UMAD1: variants seen among roughly 807,000 people sequenced by gnomAD.
UMAD1 encodes UBAP1-MVB12-associated (UMA) domain containing 1.
Under a neutral mutation model 6.1 loss-of-function variants are expected in UMAD1, and 8 were observed. The observed-to-expected ratio is 1.30, with a 90% CI of 0.76 to 2.35. UMAD1 has a LOEUF of 2.35. UMAD1 is among the 30% of genes most tolerant of loss of function. UMAD1 has a pLI of 0.00. For missense variants in UMAD1, 130 were observed against 78.4 expected, an observed-to-expected ratio of 1.66 and a Z score of -2.49; for synonymous variants, 56 against 31.4, an observed-to-expected ratio of 1.78 and a Z score of -2.61.
chr7:7,684,165 A>G (rs1160622303), intron 2 of UMAD1, among the ~76,000 whole-genome samples: 2 of 152,188 alleles, frequency 1.3e-5, no homozygotes, highest in East Asian at 3.8e-4. Context: ...TTGAGGAATA[A>G]TGACAAGAAA....
intron 3 of UMAD1, among the ~76,000 whole-genome samples, chr7:7,836,953 A>G (rs1190406759): frequency 1.5e-5 from 2 of 133,612 alleles, no homozygotes; most frequent in East Asian, 2.2e-4. Context: ...TTCCAAAACT[A>G]TTAAAAAAAA....
rs184096890 is a variant in UMAD1, at chr7:7,666,695, T to C, written c.-63-6614T>C. On this transcript the variant is annotated intron_variant, in intron 1 of 3. Coordinates refer to ENST00000682710, the MANE Select transcript of UMAD1 (RefSeq NM_001302348.2). ...GCCCGGTTTTTATTGAGCTGTTTTT[T>C]CATTATTGAGTTTTAAGAGTTCTTT... is the stretch of plus-strand genomic sequence containing the variant. 3.7e-3 allele frequency among the ~76,000 whole-genome samples: 561 copies of C among 152,318 alleles called. 2 individuals are homozygous for C. Among genetic ancestry groups the C allele is most frequent in the South Asian group, 7.0e-3 (34 of 4,828 alleles).
intron 2 of UMAD1, among the ~76,000 whole-genome samples, chr7:7,710,235 T>C (rs1045580): frequency 0.25 from 38,291 of 152,120 alleles, 5,520 homozygotes; most frequent in Middle Eastern, 0.38. Context: ...AACAGTGCTG[T>C]TACTGAACAT....
chr7:7,709,236 G>A (rs556255682), intron 2 of UMAD1, among the ~76,000 whole-genome samples: 15 of 152,240 alleles, frequency 9.9e-5, no homozygotes, highest in African/African-American at 3.4e-4. Context: ...TGTGAATAAT[G>A]TTATGCATGG....
At chr7:7,833,588 A>T (rs542382562) in intron 3 of UMAD1, among the ~76,000 whole-genome samples, 34 of 152,306 alleles carry the variant, frequency 2.2e-4, no homozygotes, top group South Asian at 4.1e-4. Flanking sequence ...GTTGTCAGGA[A>T]GCGGGCAGAT....
intron 2 of UMAD1, among the ~76,000 whole-genome samples, chr7:7,690,438 T>G (rs1780146842): frequency 6.6e-6 from 1 of 152,190 alleles, no homozygotes; most frequent in African/African-American, 2.4e-5. Flanking sequence ...GCCCAGTATG[T>G]CAGATGTGAA....
intron 2 of UMAD1, chr7:7,742,014 A>G (rs1781478991): frequency 9.2e-6 from 3 of 327,124 alleles, no homozygotes; most frequent in South Asian, 3.4e-5. Flanking sequence ...CTATTTTTAA[A>G]TGAATACTGA....
At chr7:7,876,531 C>T (rs940308151) in intron 3 of UMAD1, among the ~76,000 whole-genome samples, 2 of 152,124 alleles carry the variant, frequency 1.3e-5, no homozygotes, top group South Asian at 4.1e-4. Context: ...ATCCATTCTT[C>T]TATTGATTGA....
intron 2 of UMAD1, among the ~76,000 whole-genome samples, chr7:7,792,340 C>T (rs985718644): frequency 6.6e-6 from 1 of 152,204 alleles, no homozygotes; most frequent in Non-Finnish European, 1.5e-5. Flanking sequence ...CCTGGGCAAG[C>T]CATGTCTTAA....
At chr7:7,828,789 C>T (rs756799745) in intron 3 of UMAD1, among the ~76,000 whole-genome samples, 1 of 152,132 alleles carries the variant, frequency 6.6e-6, no homozygotes, top group Non-Finnish European at 1.5e-5. Context: ...GTGGTACTCT[C>T]CCCACTACTT....
At chr7:7,805,714 T>C (rs1458432657) in intron 3 of UMAD1, among the ~76,000 whole-genome samples, 4 of 152,192 alleles carry the variant, frequency 2.6e-5, no homozygotes, top group Non-Finnish European at 5.9e-5. Context: ...CTCTTGATGA[T>C]GTTAAGCCCT....
chr7:7,665,543 C>T (rs1275697191), intron 1 of UMAD1, among the ~76,000 whole-genome samples: 3 of 152,158 alleles, frequency 2.0e-5, no homozygotes, highest in Non-Finnish European at 2.9e-5. Flanking sequence ...GAGATTGGAT[C>T]AGTAACACAT....
At chr7:7,735,884 A>G (rs17136953) in intron 2 of UMAD1, 45,228 of 152,210 alleles carry the variant, frequency 0.3, 7,761 homozygotes, top group African/African-American at 0.48. Flanking sequence ...TTGTGTTTCT[A>G]AAAGTTTGTG....
intron 1 of UMAD1, among the ~76,000 whole-genome samples, chr7:7,663,926 G>C (rs893108377): frequency 6.6e-6 from 1 of 152,100 alleles, no homozygotes; most frequent in South Asian, 2.1e-4. Context: ...AGCTAGCCAG[G>C]AAATCTACTG....
In UMAD1 at chr7:7,720,901, ATC is replaced by A. The variant is rs575908130; in HGVS notation, c.82+47450_82+47451del. Among the ~76,000 whole-genome samples the A allele has an allele frequency of 3.2e-3, 492 of 152,318 alleles. 1 individual carries two copies. Among genetic ancestry groups the A allele is most frequent in the African/African-American group, 0.011 (474 of 41,564 alleles). ...GAATGTGACCTTATTTTGAAATATA[ATC>A]TGTTTGCAGATGGAATCAAGTTAAG... is the stretch of plus-strand genomic sequence containing the variant. On this transcript the variant is annotated intron_variant, in intron 2 of 3. Coordinates refer to ENST00000682710, the MANE Select transcript of UMAD1 (RefSeq NM_001302348.2).
chr7:7,765,765 A>T (rs764384345), intron 2 of UMAD1, among the ~76,000 whole-genome samples: 2 of 152,154 alleles, frequency 1.3e-5, no homozygotes, highest in Non-Finnish European at 2.9e-5. Context: ...GGCACTGGGG[A>T]TACAGTATGC....
intron 2 of UMAD1, among the ~76,000 whole-genome samples, chr7:7,694,399 A>G (rs1389701829): frequency 6.6e-6 from 1 of 152,088 alleles, no homozygotes; most frequent in Non-Finnish European, 1.5e-5. Context: ...GTACCCCCTC[A>G]GTTATTCTAA....
intron 2 of UMAD1, among the ~76,000 whole-genome samples, chr7:7,740,343 T>C (rs1016794362): frequency 9.2e-5 from 14 of 152,212 alleles, no homozygotes; most frequent in African/African-American, 3.1e-4. Context: ...AAAAAAGTTA[T>C]CTGTTTTCTC....
At chr7:7,708,197 C>T (rs1311434732) in intron 2 of UMAD1, among the ~76,000 whole-genome samples, 1 of 152,144 alleles carries the variant, frequency 6.6e-6, no homozygotes, top group Non-Finnish European at 1.5e-5. Flanking sequence ...AACAGCTTCT[C>T]CTTAACTGTC....
Sources: gnomAD v4.1 joint callset for allele counts (sites outside exome capture counted in the v4.1 genomes callset) on GRCh38, gnomAD v4.1.1 for gene constraint, MANE v1.5 for transcripts, NCBI Gene and HGNC (gene_info 2026-07-23, HGNC 2026-07-21) for gene names.